SOX6: variants seen among roughly 807,000 people sequenced by gnomAD.
SOX6 encodes the protein SRY-box transcription factor 6, also known as transcription factor SOX-6.
In SOX6, 11 loss-of-function variants were observed where a neutral mutation model predicts 97.8. The ratio of observed to expected loss-of-function variants is 0.11; its 90% CI spans 0.07 to 0.19. The LOEUF is 0.19. Among genes scored for constraint, SOX6 ranks in the 10% least tolerant of loss-of-function variants. The pLI is 1.00. For missense variants in SOX6, 810 were observed against 1,039.5 expected (o/e 0.78, Z 3.04); for synonymous variants, 360 against 371.4 (o/e 0.97, Z 0.35).
intron 4 of SOX6, among the ~76,000 whole-genome samples, chr11:16,539,928 C>T (rs906813576): frequency 4.6e-5 from 7 of 152,116 alleles, no homozygotes; most frequent in African/African-American, 1.7e-4. Context: ...GAAACTATTC[C>T]AATCAATAGA....
chr11:16,605,204 AGGAC>A lies in SOX6; in HGVS notation n.609+6873_609+6876del, dbSNP rs1156950505. 6.6e-5 allele frequency among the ~76,000 whole-genome samples: 10 copies of A among 151,894 alleles called. No individual in the cohort carries two copies. Among genetic ancestry groups the A allele is most frequent in the African/African-American group, 2.4e-4 (10 of 41,406 alleles). On this transcript the variant is annotated intron_variant and non_coding_transcript_variant, in intron 4 of 5. Transcript: ENST00000524520. This position sits in a 1 kb window ranked among gnomAD's most constrained non-coding sequence, Gnocchi z 5.3. ...GCGGGGCCCCGGCAGGGCGCCGAGA[AGGAC>A]GGAGGGCGCCGGCTGGGCTCAGGGA... is the stretch of plus-strand genomic sequence containing the variant.
At chr11:16,397,733 A>G (rs956499952) in intron 1 of SOX6, among the ~76,000 whole-genome samples, 1 of 151,588 alleles carries the variant, frequency 6.6e-6, no homozygotes, top group Non-Finnish European at 1.5e-5. Flanking sequence ...TAGGCCCAAA[A>G]GAATAATCAG....
intron 3 of SOX6, among the ~76,000 whole-genome samples, chr11:16,694,906 G>A (rs1203866583): frequency 6.6e-6 from 1 of 152,124 alleles, no homozygotes; most frequent in Admixed American, 6.5e-5. Flanking sequence ...TAAACAAACA[G>A]TATAACAACT....
chr11:16,007,160 T>C (rs1434680766), intron 13 of SOX6, among the ~76,000 whole-genome samples: 2 of 152,110 alleles, frequency 1.3e-5, no homozygotes, highest in South Asian at 2.1e-4. Context: ...ACAAACATCA[T>C]AGAATGTACT....
At chr11:15,991,755 A>G (rs913127736) in intron 13 of SOX6, among the ~76,000 whole-genome samples, 53 of 152,188 alleles carry the variant, frequency 3.5e-4, no homozygotes, top group African/African-American at 1.3e-3. Context: ...AAAGACTGAC[A>G]GAGATCATAG....
chr11:16,351,197 A>G (rs907059525), intron 1 of SOX6, among the ~76,000 whole-genome samples: 5 of 151,388 alleles, frequency 3.3e-5, no homozygotes, highest in Non-Finnish European at 7.4e-5. Context: ...TTTCCTCAAT[A>G]CCTCCCCTCA....
chr11:16,151,652 A>G (rs959395049), intron 6 of SOX6, among the ~76,000 whole-genome samples: 1 of 152,174 alleles, frequency 6.6e-6, no homozygotes, highest in Admixed American at 6.6e-5. Flanking sequence ...AAAATCAGAT[A>G]TGGAATCTCT....
At chr11:16,644,202 G>A (rs1278662286) in intron 3 of SOX6, among the ~76,000 whole-genome samples, 2 of 152,088 alleles carry the variant, frequency 1.3e-5, no homozygotes, top group African/African-American at 4.8e-5. Context: ...CACCACACCT[G>A]CTAATTTTTC....
chr11:16,068,945 C>T (rs1848157391), intron 9 of SOX6, among the ~76,000 whole-genome samples: 1 of 152,204 alleles, frequency 6.6e-6, no homozygotes, highest in Non-Finnish European at 1.5e-5. Context: ...TAGCACCTAA[C>T]ATAATGCCTG....
Position 16,066,476 on chromosome 11 carries a change from C to T in SOX6, c.1102-10575G>A, listed in dbSNP as rs564687471. Among the ~76,000 whole-genome samples, 6 of 152,270 alleles carry T rather than the reference C, an allele frequency of 3.9e-5. No homozygotes were observed. The South Asian group carries it at 1.0e-3, about 26-fold the overall frequency. ...CCCATGTTTATTGCAGCACTGTTTG[C>T]AATACCAAAGTTTGCAAGCAATCTA... On this transcript the variant is annotated intron_variant, in intron 9 of 15. Coordinates refer to ENST00000683767, the MANE Select transcript of SOX6 (RefSeq NM_001367873.1).
At chr11:16,018,259 C>A (rs946120484) in intron 12 of SOX6, among the ~76,000 whole-genome samples, 1 of 152,072 alleles carries the variant, frequency 6.6e-6, no homozygotes, top group African/African-American at 2.4e-5. Flanking sequence ...AGATAGACTG[C>A]TGTATTATTA....
chr11:16,616,438 C>A (rs558499447), intron 3 of SOX6, among the ~76,000 whole-genome samples: 1 of 151,982 alleles, frequency 6.6e-6, no homozygotes, highest in Non-Finnish European at 1.5e-5. Context: ...TCTTTGGAAT[C>A]CCATACTATT....
intron 3 of SOX6, among the ~76,000 whole-genome samples, chr11:16,687,251 G>A (rs1847976537): frequency 6.6e-6 from 1 of 152,208 alleles, no homozygotes; most frequent in Non-Finnish European, 1.5e-5. Flanking sequence ...GGAGGCCTCA[G>A]GGAGATTTTA....
At chr11:16,628,954 T>C (rs1848665481) in intron 3 of SOX6, among the ~76,000 whole-genome samples, 1 of 152,218 alleles carries the variant, frequency 6.6e-6, no homozygotes, top group Non-Finnish European at 1.5e-5. Context: ...TTTTGTATCC[T>C]GAAACTTTAC....
intron 3 of SOX6, among the ~76,000 whole-genome samples, chr11:16,268,203 G>T (rs1854139790): frequency 6.6e-6 from 1 of 151,238 alleles, no homozygotes; most frequent in Admixed American, 6.6e-5. Context: ...GAATGTTTTT[G>T]TCACAAAAAT....
intron 3 of SOX6, among the ~76,000 whole-genome samples, chr11:16,713,879 T>C (rs1848198648): frequency 6.6e-6 from 1 of 152,238 alleles, no homozygotes; most frequent in South Asian, 2.1e-4. Context: ...GAGAAAACTG[T>C]GATCCAACTT....
At chr11:16,580,455 C>T (rs1346921927) in intron 4 of SOX6, among the ~76,000 whole-genome samples, 2 of 151,786 alleles carry the variant, frequency 1.3e-5, no homozygotes, top group Non-Finnish European at 2.9e-5. Context: ...AAACACAGAT[C>T]CTGTGTATTA....
chr11:16,689,929 C>CA (rs1056055467), intron 3 of SOX6, among the ~76,000 whole-genome samples: 27 of 136,110 alleles, frequency 2.0e-4, no homozygotes, highest in African/African-American at 6.7e-4. Context: ...TGTCCCATGG[C>CA]TTTTTTTTTT....
chr11:16,635,833 C>A (rs910307106), intron 3 of SOX6, among the ~76,000 whole-genome samples: 2 of 152,208 alleles, frequency 1.3e-5, no homozygotes, highest in Non-Finnish European at 2.9e-5. Context: ...TCAGAGCATG[C>A]AAGCCCCAAG....
Sources: allele counts gnomAD v4.1 joint callset (sites outside exome capture counted in the v4.1 genomes callset), GRCh38; gene constraint gnomAD v4.1.1; non-coding constraint Gnocchi (gnomAD v3.1); transcripts MANE v1.5; gene names NCBI Gene and HGNC (gene_info 2026-07-23, HGNC 2026-07-21).